ZMYM4: variants seen among roughly 807,000 people sequenced by gnomAD.
The protein encoded by ZMYM4 is zinc finger MYM-type containing 4.
ZMYM4 carries 31 observed loss-of-function variants against 183.2 expected under a neutral mutation model. The ratio of observed to expected loss-of-function variants is 0.17; its 90% CI spans 0.13 to 0.23. ZMYM4 has a LOEUF of 0.23. Ranked by LOEUF, ZMYM4 falls within the 10% of genes least tolerant of loss-of-function variation. The pLI, the probability that ZMYM4 is intolerant of heterozygous loss-of-function variation, is 1.00. For missense variants in ZMYM4, 1,273 were observed against 1,840.3 expected (o/e 0.69, Z 5.64); for synonymous variants, 592 against 631.2 (o/e 0.94, Z 0.93).
intron 2 of ZMYM4, among the ~76,000 whole-genome samples, chr1:35,357,733 A>G (rs1643866154): frequency 6.6e-6 from 1 of 152,190 alleles, no homozygotes; most frequent in South Asian, 2.1e-4. Flanking sequence ...GATTTTAGAG[A>G]TGCTAAGTTG....
At chr1:35,309,792 A>C (rs1315646281) in intron 1 of ZMYM4, among the ~76,000 whole-genome samples, 3 of 151,754 alleles carry the variant, frequency 2.0e-5, no homozygotes, top group Admixed American at 1.3e-4. Context: ...TTAAAAAAAA[A>C]CCCACAAAAA....
At chr1:35,295,853 A>T (rs757859649) in intron 1 of ZMYM4, 2 of 152,190 alleles carry the variant, frequency 1.3e-5, no homozygotes, top group Admixed American at 1.3e-4. Context: ...TGATAAGTCA[A>T]GTTGGGTTTT....
At chr1:35,332,870 T>C (rs1642814224) in intron 2 of ZMYM4, among the ~76,000 whole-genome samples, 1 of 151,772 alleles carries the variant, frequency 6.6e-6, no homozygotes, top group African/African-American at 2.4e-5. Context: ...GATTTGTATA[T>C]TTTTTTTGTA....
intron 2 of ZMYM4, among the ~76,000 whole-genome samples, chr1:35,329,083 T>TAC (rs1420041352): frequency 6.6e-6 from 1 of 152,232 alleles, no homozygotes; most frequent in African/African-American, 2.4e-5. Context: ...ATATAGTATT[T>TAC]ACTAATTATT....
At chr1:35,299,156 C>T (rs1641157645) in intron 1 of ZMYM4, among the ~76,000 whole-genome samples, 1 of 151,890 alleles carries the variant, frequency 6.6e-6, no homozygotes, top group Admixed American at 6.6e-5. Context: ...GTATGCACCA[C>T]CACACCTGGT....
At chr1:35,275,420 G>A (rs1329999124) in intron 1 of ZMYM4, among the ~76,000 whole-genome samples, 1 of 151,740 alleles carries the variant, frequency 6.6e-6, no homozygotes, top group African/African-American at 2.4e-5. Context: ...TTTTAGACAG[G>A]GTTTCACCAT....
chr1:35,371,827 A>AT (rs922173217), intron 7 of ZMYM4, among the ~76,000 whole-genome samples: 12 of 152,168 alleles, frequency 7.9e-5, no homozygotes, highest in Non-Finnish European at 1.5e-4. Context: ...TTTATGCTTC[A>AT]TTTTTTTGAA....
chr1:35,301,269 G>C (rs990831734), intron 1 of ZMYM4, among the ~76,000 whole-genome samples: 9 of 152,144 alleles, frequency 5.9e-5, no homozygotes, highest in Non-Finnish European at 8.8e-5. Flanking sequence ...CTTCTGGGCT[G>C]AGTGTGGTGG....
rs780331003 is a variant in ZMYM4, at chr1:35,398,448, A to G, written c.3235A>G (p.Thr1079Ala). Residue 1079 changes from threonine (T) to alanine (A), a missense_variant, in exon 21 of 30, where the codon ACC becomes GCC. By Grantham distance (58) the Thr-to-Ala change is moderately conservative (BLOSUM62 0). Around this residue, in one of 6 missense-constraint regions of ZMYM4, gnomAD observed 290 missense variants for 353.3 expected, o/e 0.82. Transcript: ENST00000314607. ...TTCTGAACACGAACTCTTTCTAGACACCAAGATATTTGAAAAAGGTTTGTA... is the reference window on the plus strand; with the variant it reads ...TTCTGAACACGAACTCTTTCTAGACGCCAAGATATTTGAAAAAGGTTTGTA... ...QTSEHELFLDTKIFEKDQGST... is the reference protein window; with the variant it reads ...QTSEHELFLDAKIFEKDQGST... 6 of 1,612,202 alleles carry G rather than the reference A, an allele frequency of 3.7e-6. No individual in the cohort carries two copies. In the East Asian group the frequency reaches 1.1e-4, roughly 30 times the overall value.
chr1:35,415,650 G>A lies in ZMYM4; in HGVS notation c.4245G>A (p.Lys1415=). 1.2e-6 allele frequency: 2 copies of A among 1,614,088 alleles called. No individual in the cohort carries two copies. The highest frequency in any genetic ancestry group is 1.7e-6 in the Non-Finnish European group (2 of 1,180,022). The change falls in exon 28 of 30, where the codon AAG becomes AAA. Residue 1415 remains lysine (K), a synonymous_variant. Coordinates refer to ENST00000314607, the MANE Select transcript of ZMYM4 (RefSeq NM_005095.3). Reference sequence around the variant, plus strand: ...TGATGAGACGGACCAGGACTCTGAAGTACAGTACCAAGATGACATATCTGA... The same window carrying A: ...TGATGAGACGGACCAGGACTCTGAAATACAGTACCAAGATGACATATCTGA... ...AHVMRRTRTL[K]YSTKMTYLRF...
intron 18 of ZMYM4, among the ~76,000 whole-genome samples, chr1:35,394,306 A>G (rs750516863): frequency 3.3e-5 from 5 of 150,864 alleles, no homozygotes; most frequent in Non-Finnish European, 7.4e-5. Context: ...CTTCTGCCCT[A>G]CAAGTGAGCT....
At chr1:35,327,882 A>T (rs548006903) in intron 2 of ZMYM4, among the ~76,000 whole-genome samples, 3 of 152,296 alleles carry the variant, frequency 2.0e-5, no homozygotes, top group Admixed American at 2.0e-4. Flanking sequence ...CTTGAATCTC[A>T]TGTTCATCTT....
chr1:35,298,641 CACA>C (rs996789122), intron 1 of ZMYM4, among the ~76,000 whole-genome samples: 6 of 151,806 alleles, frequency 4.0e-5, no homozygotes, highest in African/African-American at 1.4e-4. Flanking sequence ...TGGAGTCCTG[CACA>C]ACACCTCCAC....
At chr1:35,366,172 A>G (rs894086403) in intron 5 of ZMYM4, 2 of 152,372 alleles carry the variant, frequency 1.3e-5, no homozygotes, top group Non-Finnish European at 1.5e-5. Context: ...ATCTTTTAAT[A>G]CATATATTTC....
At position 35,405,178 on chromosome 1, in the gene ZMYM4, G is replaced by A. The variant is rs925543101; in HGVS notation, c.3684G>A (p.Gly1228=). The A allele has an allele frequency of 6.2e-7, 1 of 1,613,730 alleles. No individual in the cohort carries two copies. Among genetic ancestry groups the A allele is most frequent in the Non-Finnish European group, 8.5e-7 (1 of 1,179,910 alleles). Reference sequence around the variant, plus strand: ...GGAAAAATGCCAAGGAAGAGCAGGGGGATCTAAAATGTGGAGGTAAGTGCA... The same window carrying A: ...GGAAAAATGCCAAGGAAGAGCAGGGAGATCTAAAATGTGGAGGTAAGTGCA... The part of the protein sequence containing the change: ...VQWKNAKEEQ[G]DLKCGGVEQA... Residue 1228 remains glycine (G), a synonymous_variant, in exon 24 of 30, where the codon GGG becomes GGA. Transcript: ENST00000314607.
intron 13 of ZMYM4, among the ~76,000 whole-genome samples, chr1:35,388,637 A>G (rs761473998): frequency 2.0e-5 from 3 of 152,202 alleles, no homozygotes; most frequent in Non-Finnish European, 4.4e-5. Flanking sequence ...AAAAATCAAG[A>G]TACTCTGTGA....
intron 9 of ZMYM4, among the ~76,000 whole-genome samples, chr1:35,382,120 G>A (rs1644470936): frequency 6.7e-6 from 1 of 149,810 alleles, no homozygotes; most frequent in African/African-American, 2.5e-5. Flanking sequence ...ACTCCAGCCT[G>A]GGCAACAAGA....
At chr1:35,304,413 G>A (rs1348608602) in intron 1 of ZMYM4, among the ~76,000 whole-genome samples, 1 of 151,594 alleles carries the variant, frequency 6.6e-6, no homozygotes, top group East Asian at 1.9e-4. Flanking sequence ...ATACCACTGA[G>A]GTCAGAGAAT....
intron 1 of ZMYM4, among the ~76,000 whole-genome samples, chr1:35,281,754 A>C (rs1405603733): frequency 6.6e-6 from 1 of 152,038 alleles, no homozygotes; most frequent in Non-Finnish European, 1.5e-5. Context: ...ATATTGTGCA[A>C]TCATTACCAT....
Sources: allele counts gnomAD v4.1 joint callset (sites outside exome capture counted in the v4.1 genomes callset), GRCh38; gene constraint gnomAD v4.1.1; regional missense constraint gnomAD v4.1.1; transcripts MANE v1.5; gene names NCBI Gene and HGNC (gene_info 2026-07-23, HGNC 2026-07-21).